YES1: variants seen among roughly 807,000 people sequenced by gnomAD.
YES1 encodes the protein YES proto-oncogene 1, Src family tyrosine kinase.
A neutral mutation model predicts 70.4 loss-of-function variants in YES1; 39 were observed. That is an observed-to-expected ratio of 0.55 (90% CI 0.43 to 0.72). The LOEUF (loss-of-function observed/expected upper bound fraction) is 0.72. Among genes scored for constraint, YES1 ranks in the 30% least tolerant of loss-of-function variants. The probability of loss-of-function intolerance (pLI) is 0.00; values close to 1 mark genes in which losing one functional copy is unlikely to be tolerated. For missense variants in YES1, 495 were observed against 644.8 expected, an observed-to-expected ratio of 0.77 and a Z score of 2.52; for synonymous variants, 198 against 218.6, an observed-to-expected ratio of 0.91 and a Z score of 0.83.
chr18:748,452 A>G (rs1309212962), intron 3 of YES1, among the ~76,000 whole-genome samples: 2 of 150,860 alleles, frequency 1.3e-5, no homozygotes, highest in Non-Finnish European at 2.9e-5. Context: ...TAATATATTT[A>G]CAGAGTTGTA....
intron 2 of YES1, among the ~76,000 whole-genome samples, chr18:755,159 G>A (rs566025705): frequency 1.1e-3 from 174 of 152,208 alleles, no homozygotes; most frequent in Non-Finnish European, 1.5e-3. Flanking sequence ...CAGAATTAGG[G>A]GGCTGGAATT....
chr18:770,558 C>T (rs1905107557), intron 1 of YES1, among the ~76,000 whole-genome samples: 1 of 152,182 alleles, frequency 6.6e-6, no homozygotes, highest in South Asian at 2.1e-4. Context: ...CAACTTCTTG[C>T]TGCCTCAGCT....
chr18:765,260 A>AG (rs1360446995), intron 1 of YES1, among the ~76,000 whole-genome samples: 3 of 56,892 alleles, frequency 5.3e-5, no homozygotes, highest in African/African-American at 2.8e-4. Context: ...ATATATATAT[A>AG]TATATATATA....
intron 1 of YES1, among the ~76,000 whole-genome samples, chr18:779,920 T>C (rs1001109711): frequency 6.6e-6 from 1 of 152,030 alleles, no homozygotes; most frequent in Non-Finnish European, 1.5e-5. Flanking sequence ...TTTTTTTTTT[T>C]TTTCTTAAAT....
chr18:730,248 C>T (rs938685864), intron 11 of YES1, among the ~76,000 whole-genome samples: 13 of 152,020 alleles, frequency 8.6e-5, no homozygotes, highest in African/African-American at 1.7e-4. Flanking sequence ...GAACTCTGCT[C>T]GACTCCCCAG....
At chr18:766,999 G>T (rs997196774) in intron 1 of YES1, among the ~76,000 whole-genome samples, 4 of 151,734 alleles carry the variant, frequency 2.6e-5, no homozygotes, top group Non-Finnish European at 4.4e-5. Context: ...TATTTTTATG[G>T]TTTATGTTTT....
chr18:740,749 T>C (rs1021696005), intron 8 of YES1, among the ~76,000 whole-genome samples: 2 of 152,228 alleles, frequency 1.3e-5, no homozygotes, highest in African/African-American at 2.4e-5. Context: ...CTCTCCCGCC[T>C]GGAAATAATT....
rs1357929766 is a variant in YES1 at position 723,528 on chromosome 18, A to T, written c.*896T>A. On this transcript the variant is annotated 3_prime_UTR_variant, in exon 12 of 12. Coordinates refer to ENST00000314574, the MANE Select transcript of YES1 (RefSeq NM_005433.4). ...GCACCCATCCCCATAAGGACATATAAGCAATACTCACAGTACGAAGTCTAG... is the reference window on the plus strand; with the variant it reads ...GCACCCATCCCCATAAGGACATATATGCAATACTCACAGTACGAAGTCTAG... 6.6e-6 allele frequency: 1 copy of T among 152,668 alleles called. No homozygotes were observed. Among genetic ancestry groups the T allele is most frequent in the African/African-American group, 2.4e-5 (1 of 41,460 alleles). The allele number at this position is 152,668 out of a possible 1,614,324, so 9.5% of individuals were successfully genotyped here.
intron 1 of YES1, among the ~76,000 whole-genome samples, chr18:792,360 T>TA (rs780717298): frequency 3.3e-5 from 5 of 151,782 alleles, no homozygotes; most frequent in Admixed American, 2.0e-4. Flanking sequence ...GGATTTGGGT[T>TA]AAAAAAATAA....
intron 11 of YES1, among the ~76,000 whole-genome samples, chr18:725,099 G>C (rs577240965): frequency 6.6e-6 from 1 of 152,186 alleles, no homozygotes; most frequent in Non-Finnish European, 1.5e-5. Context: ...TTCTGTGAAA[G>C]TTTCCTTATC....
intron 11 of YES1, among the ~76,000 whole-genome samples, chr18:727,552 T>C (rs896870759): frequency 1.3e-5 from 2 of 151,870 alleles, no homozygotes; most frequent in Non-Finnish European, 1.5e-5. Context: ...ACAAGCATTT[T>C]TCAATGTTCA....
At chr18:757,992 A>G (rs1034783470) in intron 1 of YES1, among the ~76,000 whole-genome samples, 4 of 152,184 alleles carry the variant, frequency 2.6e-5, no homozygotes, top group African/African-American at 9.7e-5. Context: ...AATGGGTACT[A>G]GCAAATACTG....
chr18:724,787 T>C (rs749138916), intron 11 of YES1, among the ~76,000 whole-genome samples, 155 bp from the exon 12 acceptor site: 1 of 152,192 alleles, frequency 6.6e-6, no homozygotes, highest in Non-Finnish European at 1.5e-5. Context: ...CATGAGAATA[T>C]CAAGAAGAGC....
chr18:806,615 G>C (rs1177285714), intron 1 of YES1, among the ~76,000 whole-genome samples: 1 of 152,196 alleles, frequency 6.6e-6, no homozygotes, highest in African/African-American at 2.4e-5. Context: ...CTCAAAGATT[G>C]CTATAAAACA....
chr18:812,650 C>G (rs1310200003), upstream of YES1: 7 of 152,734 alleles, frequency 4.6e-5, no homozygotes, highest in African/African-American at 1.7e-4. Context: ...CGCGGCGTCC[C>G]TTCCCACCCG....
At chr18:743,150 A>G (rs1254590420) in intron 7 of YES1, 53 bp from the exon 8 acceptor site, 9 of 1,543,772 alleles carry the variant, frequency 5.8e-6, no homozygotes, top group Non-Finnish European at 7.8e-6. Context: ...TTTAGACCAA[A>G]CTTCAGTGAA....
At chr18:764,119 C>A (rs1416962247) in intron 1 of YES1, among the ~76,000 whole-genome samples, 20 of 140,536 alleles carry the variant, frequency 1.4e-4, no homozygotes, top group African/African-American at 3.2e-4. Context: ...GACTCCCTCT[C>A]AAAAAAAAAA....
chr18:758,916 T>C (rs1442691606), intron 1 of YES1, among the ~76,000 whole-genome samples: 1 of 152,244 alleles, frequency 6.6e-6, no homozygotes, highest in South Asian at 2.1e-4. Flanking sequence ...TAGAATTCAT[T>C]AATTCACTTA....
intron 1 of YES1, among the ~76,000 whole-genome samples, chr18:771,609 C>T (rs978468291): frequency 3.9e-5 from 6 of 152,062 alleles, no homozygotes; most frequent in Admixed American, 1.3e-4. Context: ...AGTGCAGTGG[C>T]GCGATCACGA....
Sources: gnomAD v4.1 joint callset for allele counts (sites outside exome capture counted in the v4.1 genomes callset) on GRCh38, gnomAD v4.1.1 for gene constraint, MANE v1.5 for transcripts, NCBI Gene and HGNC (gene_info 2026-07-23, HGNC 2026-07-21) for gene names.